Variants in ARHGAP32 observed in about 807,000 individuals in gnomAD.
The protein encoded by ARHGAP32 is Rho GTPase activating protein 32.
In ARHGAP32, 51 loss-of-function variants were observed where a neutral mutation model predicts 186.5. The observed-to-expected ratio is 0.27, with a 90% CI of 0.22 to 0.35. The LOEUF (loss-of-function observed/expected upper bound fraction) is 0.35. Among genes scored for constraint, ARHGAP32 ranks in the 10% least tolerant of loss-of-function variants. The pLI is 1.00. For missense variants in ARHGAP32, 2,186 were observed against 2,623.5 expected (o/e 0.83, Z 3.64); for synonymous variants, 950 against 964.3 (o/e 0.99, Z 0.27).
At chr11:129,042,885 T>G (rs1939652648) in intron 10 of ARHGAP32, among the ~76,000 whole-genome samples, 1 of 152,212 alleles carries the variant, frequency 6.6e-6, no homozygotes, top group South Asian at 2.1e-4. Flanking sequence ...AAGAAGTGAC[T>G]GGGAAACTGC....
chr11:128,989,966 C>G (rs1946000242), intron 12 of ARHGAP32, among the ~76,000 whole-genome samples: 1 of 152,100 alleles, frequency 6.6e-6, no homozygotes, highest in South Asian at 2.1e-4. Context: ...AGAGCCAATG[C>G]TTTTGACTAC....
intron 1 of ARHGAP32, among the ~76,000 whole-genome samples, chr11:129,256,484 C>G (rs1299415965): frequency 6.6e-6 from 1 of 152,050 alleles, no homozygotes; most frequent in Admixed American, 6.6e-5. Flanking sequence ...CAAGATGAAG[C>G]CGGGGACTTA....
intron 11 of ARHGAP32, among the ~76,000 whole-genome samples, chr11:129,021,652 T>C (rs532805769): frequency 1.3e-5 from 2 of 152,264 alleles, no homozygotes; most frequent in Admixed American, 1.3e-4. Flanking sequence ...TAGATTATGT[T>C]ATTTTAGGTT....
At chr11:129,159,955 C>T (rs1943494971) in intron 2 of ARHGAP32, among the ~76,000 whole-genome samples, 2 of 151,908 alleles carry the variant, frequency 1.3e-5, no homozygotes, top group Non-Finnish European at 2.9e-5. Context: ...ATAACAGAAC[C>T]AATAACAAAA....
At chr11:129,045,474 C>G (rs529971914) in intron 10 of ARHGAP32, among the ~76,000 whole-genome samples, 1 of 152,184 alleles carries the variant, frequency 6.6e-6, no homozygotes, top group East Asian at 1.9e-4. Flanking sequence ...CAAACAGATT[C>G]CATTTTACCA....
chr11:129,193,875 C>A (rs1944354765), upstream of ARHGAP32, among the ~76,000 whole-genome samples: 1 of 146,976 alleles, frequency 6.8e-6, no homozygotes, highest in Non-Finnish European at 1.5e-5. Flanking sequence ...TGAAACATAT[C>A]ACAAAGGGTT....
chr11:129,157,008 T>G (rs1000935791), intron 2 of ARHGAP32, among the ~76,000 whole-genome samples: 1 of 152,020 alleles, frequency 6.6e-6, no homozygotes, highest in African/African-American at 2.4e-5. Flanking sequence ...GAAGGAAAAC[T>G]AACAAACAGA....
intron 11 of ARHGAP32, among the ~76,000 whole-genome samples, chr11:129,016,148 T>A (rs959872078): frequency 6.6e-6 from 1 of 152,208 alleles, no homozygotes; most frequent in Non-Finnish European, 1.5e-5. Context: ...TGTTTTCATA[T>A]GTTTCATATG....
chr11:129,052,161 A>T (rs529835100), intron 10 of ARHGAP32, among the ~76,000 whole-genome samples: 1 of 152,238 alleles, frequency 6.6e-6, no homozygotes, highest in Admixed American at 6.5e-5. Context: ...CTGCCATTAC[A>T]TCTCTTCACT....
In ARHGAP32 at chr11:128,969,098, TATC is replaced by T; in HGVS notation, c.6112_6114del (p.Asp2038del). 6.2e-7 allele frequency: 1 copy of T among 1,606,138 alleles called. No homozygotes were observed. The highest frequency in any genetic ancestry group is 8.5e-7 in the Non-Finnish European group (1 of 1,174,354). Reference sequence around the variant, plus strand: ...GGCAGGGAGTGGTAATCTTCCAGGTTATCATACTGGGACACAACAGTCACACTG... The same window carrying T: ...GGCAGGGAGTGGTAATCTTCCAGGTTATACTGGGACACAACAGTCACACTG... On this transcript the variant is annotated inframe_deletion, in exon 23 of 23. Coordinates refer to ENST00000682385, the MANE Select transcript of ARHGAP32 (RefSeq NM_001378024.1). This position sits in a 1 kb window ranked among gnomAD's most constrained non-coding sequence, Gnocchi z 4.8.
intron 1 of ARHGAP32, among the ~76,000 whole-genome samples, chr11:129,267,916 T>C (rs2135721210): frequency 6.6e-6 from 1 of 151,766 alleles, no homozygotes; most frequent in African/African-American, 2.4e-5. Context: ...CACAACCAGC[T>C]CTCTGTGGGG....
chr11:129,231,694 C>G (rs933565494), intron 1 of ARHGAP32, among the ~76,000 whole-genome samples: 1 of 152,056 alleles, frequency 6.6e-6, no homozygotes, highest in Non-Finnish European at 1.5e-5. Context: ...CTGAAGACAA[C>G]TTTGAAGGGC....
At chr11:129,079,554 A>C (rs1343649049) in intron 6 of ARHGAP32, among the ~76,000 whole-genome samples, 1 of 152,224 alleles carries the variant, frequency 6.6e-6, no homozygotes, top group Non-Finnish European at 1.5e-5. Context: ...TGTTGAGAGA[A>C]TTCACCACTA....
intron 1 of ARHGAP32, among the ~76,000 whole-genome samples, chr11:129,272,297 CACA>C (rs948943792): frequency 1.3e-5 from 2 of 152,166 alleles, no homozygotes; most frequent in African/African-American, 4.8e-5. Flanking sequence ...AGTTCTGCTC[CACA>C]AGATCATCTA....
chr11:128,977,065 C>A (rs1169078208), intron 19 of ARHGAP32, among the ~76,000 whole-genome samples: 1 of 152,100 alleles, frequency 6.6e-6, no homozygotes, highest in Non-Finnish European at 1.5e-5. Flanking sequence ...TGGAGGGATG[C>A]TGCCACACAT....
chr11:129,078,716 C>T (rs1214065642), intron 6 of ARHGAP32, among the ~76,000 whole-genome samples: 2 of 152,108 alleles, frequency 1.3e-5, no homozygotes, highest in East Asian at 3.8e-4. Context: ...TGGTCTCAAA[C>T]TCCTAACCTC....
At chr11:129,249,153 A>T (rs1945144672) in intron 1 of ARHGAP32, among the ~76,000 whole-genome samples, 1 of 152,184 alleles carries the variant, frequency 6.6e-6, no homozygotes, top group Non-Finnish European at 1.5e-5. Flanking sequence ...CTAGATAACC[A>T]ATGAGTAAAG....
intron 22 of ARHGAP32, chr11:128,972,198 G>A (rs984387415): frequency 1.2e-5 from 3 of 255,222 alleles, no homozygotes; most frequent in Admixed American, 4.9e-5. Context: ...ATAAACTACC[G>A]AGACACTTTA....
At chr11:129,193,667 TATATATA>T (rs1221470085), upstream of ARHGAP32, among the ~76,000 whole-genome samples, 55 of 47,224 alleles carry the variant, frequency 1.2e-3, no homozygotes, top group South Asian at 2.6e-3. Flanking sequence ...CAATATATAT[TATATATA>T]ATATATAATA....
Sources: gnomAD v4.1 joint callset for allele counts (sites outside exome capture counted in the v4.1 genomes callset) on GRCh38, gnomAD v4.1.1 for gene constraint, Gnocchi (gnomAD v3.1) non-coding constraint, MANE v1.5 for transcripts, NCBI Gene and HGNC (gene_info 2026-07-23, HGNC 2026-07-21) for gene names.